The following HSF5 variants were observed in gnomAD, a reference collection of about 807,000 sequenced individuals.
HSF5 encodes the protein heat shock transcription factor 5.
A neutral mutation model predicts 50.8 loss-of-function variants in HSF5; 5 were observed. The ratio of observed to expected loss-of-function variants is 0.10; its 90% CI spans 0.05 to 0.21. The LOEUF (loss-of-function observed/expected upper bound fraction) is 0.21. HSF5 is among the 10% of genes least tolerant of loss of function. The probability of loss-of-function intolerance (pLI) is 1.00; values close to 1 mark genes in which losing one functional copy is unlikely to be tolerated. For synonymous variants in HSF5, 307 were observed against 307.4 expected (o/e 1.00, Z 0.02); for missense variants, 564 against 762.6 (o/e 0.74, Z 3.07).
At chr17:58,427,423 A>C (rs1484273531) in intron 5 of HSF5, among the ~76,000 whole-genome samples, 1 of 152,224 alleles carries the variant, frequency 6.6e-6, no homozygotes, top group Non-Finnish European at 1.5e-5. Flanking sequence ...GCTCCTGTTC[A>C]ATGTGATATT....
At chr17:58,460,558 G>A (rs1364423362) in intron 4 of HSF5, among the ~76,000 whole-genome samples, 1 of 149,490 alleles carries the variant, frequency 6.7e-6, no homozygotes, top group Non-Finnish European at 1.5e-5. Context: ...CGCCCAGGCT[G>A]GAGTGCAGTG....
chr17:58,430,206 T>C lies in HSF5; in HGVS notation c.1721-7776A>G, dbSNP rs555494532. ...CTCCTGCCTCAGCCTCCCAAGTAGCTGGGATTACAGGCACCCACCACCACA... is the reference window on the plus strand; with the variant it reads ...CTCCTGCCTCAGCCTCCCAAGTAGCCGGGATTACAGGCACCCACCACCACA... On this transcript the variant is annotated intron_variant, in intron 5 of 5. Transcript: ENST00000323777. Among the ~76,000 whole-genome samples the C allele has an allele frequency of 6.3e-4, 96 of 152,288 alleles. No homozygotes were observed. In the Middle Eastern group the frequency reaches 0.017, roughly 27 times the overall value.
chr17:58,463,330 T>C (rs1358484689), intron 3 of HSF5, 27 bp from the exon 4 acceptor site: 2 of 1,566,942 alleles, frequency 1.3e-6, no homozygotes, highest in Admixed American at 1.8e-5. Flanking sequence ...TATAACTGTT[T>C]GGATAGAAAA....
intron 5 of HSF5, among the ~76,000 whole-genome samples, chr17:58,422,659 A>T (rs910142130): frequency 6.6e-6 from 1 of 150,570 alleles, no homozygotes; most frequent in African/African-American, 2.4e-5. Flanking sequence ...CCTCCTTTTC[A>T]GTAGTATAGC....
At chr17:58,469,719 T>C (rs984566478) in intron 2 of HSF5, among the ~76,000 whole-genome samples, 22 of 152,220 alleles carry the variant, frequency 1.4e-4, no homozygotes, top group African/African-American at 5.3e-4. Context: ...TGTCCTAAGA[T>C]ACATTCATCT....
At chr17:58,424,988 C>T (rs1271397168) in intron 5 of HSF5, among the ~76,000 whole-genome samples, 1 of 152,090 alleles carries the variant, frequency 6.6e-6, no homozygotes, top group Non-Finnish European at 1.5e-5. Flanking sequence ...TTAATAGGTA[C>T]GGAGTTTCCG....
At chr17:58,480,311 T>C in intron 1 of HSF5, 44 bp from the exon 2 acceptor site, 1 of 1,542,492 alleles carries the variant, frequency 6.5e-7, no homozygotes, top group South Asian at 1.3e-5. Context: ...TTGCATTACA[T>C]CACCAGACAT....
Position 58,422,021 on chromosome 17 carries a change from A to G in HSF5, c.*339T>C, listed in dbSNP as rs1974235030. On this transcript the variant is annotated 3_prime_UTR_variant, in exon 6 of 6. Transcript: ENST00000323777. Reference sequence around the variant, plus strand: ...AGTTTGAGTGGCAAGACAACAAATCAGCACACACACAGATTATTCTTAGTA... The same window carrying G: ...AGTTTGAGTGGCAAGACAACAAATCGGCACACACACAGATTATTCTTAGTA... 1 of 188,490 alleles carries G rather than the reference A, an allele frequency of 5.3e-6. No homozygotes were observed. Among genetic ancestry groups the G allele is most frequent in the African/African-American group, 2.4e-5 (1 of 42,450 alleles). 11.7% of individuals were successfully genotyped at this position (188,490 alleles called of 1,614,324 possible).
chr17:58,476,516 G>T, intron 2 of HSF5: 1 of 1,249,080 alleles, frequency 8.0e-7, no homozygotes, highest in Non-Finnish European at 1.2e-6. Flanking sequence ...CTCTTATTCA[G>T]ATGAAATTCT....
Position 58,439,126 on chromosome 17 carries a change from C to CA in HSF5, c.1721-16697dup, listed in dbSNP as rs56097061. On this transcript the variant is annotated intron_variant, in intron 5 of 5. Transcript: ENST00000323777. ...TAGGCAACAGAGTGAGACCCTGCCT[C>CA]AAAAAAAAAATAATAATAAATAAAA... Among the ~76,000 whole-genome samples, 752 of 144,440 alleles carry CA rather than the reference C, an allele frequency of 5.2e-3. 10 individuals are homozygous for CA. The highest frequency in any genetic ancestry group is 0.017 in the African/African-American group (680 of 39,230). The allele number at this position is 144,440 out of a possible 152,430, so 94.8% of individuals were successfully genotyped here.
In HSF5 at chr17:58,446,869, G is replaced by GT. The variant is rs578016430; in HGVS notation, c.1720+11898dup. Among the ~76,000 whole-genome samples, 35 of 152,330 alleles carry GT rather than the reference G, an allele frequency of 2.3e-4. No homozygotes were observed. In the East Asian group the frequency reaches 6.2e-3, roughly 27 times the overall value. ...AGACCAGGCACAGTGGCTCATGCCT[G>GT]TAATCCCAGCACTTTGGGAGGCCGA... On this transcript the variant is annotated intron_variant, in intron 5 of 5. Transcript: ENST00000323777.
chr17:58,479,296 T>A (rs1015129953), intron 2 of HSF5, among the ~76,000 whole-genome samples: 1 of 151,950 alleles, frequency 6.6e-6, no homozygotes, highest in Non-Finnish European at 1.5e-5. Flanking sequence ...GGTTCTGGGG[T>A]ACTAAGGTTT....
intron 5 of HSF5, among the ~76,000 whole-genome samples, chr17:58,438,710 G>A (rs1451728752): frequency 6.6e-6 from 1 of 152,002 alleles, no homozygotes; most frequent in Non-Finnish European, 1.5e-5. Context: ...TAGTGTGCAA[G>A]CAGAGATGGA....
chr17:58,422,593 A>T (rs1441162702), intron 5 of HSF5, among the ~76,000 whole-genome samples, 163 bp from the exon 6 acceptor site: 1 of 152,150 alleles, frequency 6.6e-6, no homozygotes, highest in African/African-American at 2.4e-5. Context: ...CTGTAACTCT[A>T]AAGCACACTG....
At chr17:58,477,935 T>C (rs1192672602) in intron 2 of HSF5, among the ~76,000 whole-genome samples, 1 of 152,026 alleles carries the variant, frequency 6.6e-6, no homozygotes, top group Non-Finnish European at 1.5e-5. Context: ...AAATTAAAGA[T>C]CCTAGATTAT....
intron 5 of HSF5, among the ~76,000 whole-genome samples, chr17:58,452,527 T>C (rs967633005): frequency 6.6e-6 from 1 of 151,854 alleles, no homozygotes; most frequent in African/African-American, 2.4e-5. Context: ...GTCTCCCAGG[T>C]GGCCTCGCAT....
intron 5 of HSF5, among the ~76,000 whole-genome samples, chr17:58,425,128 G>T (rs1026888528): frequency 2.6e-5 from 4 of 152,152 alleles, no homozygotes; most frequent in Non-Finnish European, 5.9e-5. Context: ...GCCGGGTGCG[G>T]TGGCTCATGC....
In HSF5 at chr17:58,421,243, T is replaced by C. The variant is rs986683230; in HGVS notation, c.*1117A>G. ...TGTAACAGGGATAAGAAAAAAATGT[T>C]ACCATCTATCCCATTATCCAAAATT... On this transcript the variant is annotated 3_prime_UTR_variant, in exon 6 of 6. Coordinates refer to ENST00000323777, the MANE Select transcript of HSF5 (RefSeq NM_001080439.3). 4.6e-5 allele frequency: 7 copies of C among 152,638 alleles called. No individual in the cohort carries two copies. The highest frequency in any genetic ancestry group is 1.7e-4 in the African/African-American group (7 of 41,464). 9.5% of individuals were successfully genotyped at this position (152,638 alleles called of 1,614,324 possible). A position where few individuals can be genotyped will look rare whatever the true frequency, so the allele number is the denominator to read the frequency against.
intron 5 of HSF5, among the ~76,000 whole-genome samples, chr17:58,453,816 T>C (rs1449636231): frequency 6.6e-6 from 1 of 151,916 alleles, no homozygotes. Flanking sequence ...TGGCCGGGCA[T>C]GGTGGATCAC....
Sources: allele counts gnomAD v4.1 joint callset (sites outside exome capture counted in the v4.1 genomes callset), GRCh38; gene constraint gnomAD v4.1.1; transcripts MANE v1.5; gene names NCBI Gene and HGNC (gene_info 2026-07-23, HGNC 2026-07-21).